The following SKI variants were observed in gnomAD, a reference collection of about 807,000 sequenced individuals.
SKI encodes the protein ski oncogene.
Under a neutral mutation model 59.3 loss-of-function variants are expected in SKI, and 23 were observed. That is an observed-to-expected ratio of 0.39 (90% CI 0.28 to 0.55). The LOEUF (loss-of-function observed/expected upper bound fraction) is 0.55. Ranked by LOEUF, SKI falls within the 20% of genes least tolerant of loss-of-function variation. The pLI, the probability that SKI is intolerant of heterozygous loss-of-function variation, is 0.67. For synonymous variants in SKI, 673 were observed against 488.6 expected (o/e 1.38, Z -4.98); for missense variants, 1,017 against 1,038.9 (o/e 0.98, Z 0.29).
chr1:2,264,061 C>A (rs1398163932), intron 1 of SKI, among the ~76,000 whole-genome samples: 1 of 151,786 alleles, frequency 6.6e-6, no homozygotes, highest in African/African-American at 2.4e-5. Flanking sequence ...CTACTCGGAC[C>A]CAGAGTGTTT....
intron 1 of SKI, among the ~76,000 whole-genome samples, chr1:2,278,256 A>G (rs560080384): frequency 1.9e-4 from 29 of 152,332 alleles, no homozygotes; most frequent in African/African-American, 6.7e-4. Flanking sequence ...CGAGTGATGC[A>G]AGGGTGGGGT....
At chr1:2,305,398 G>A (rs1005691104) in intron 5 of SKI, among the ~76,000 whole-genome samples, 4 of 152,110 alleles carry the variant, frequency 2.6e-5, no homozygotes, top group African/African-American at 9.7e-5. Flanking sequence ...ACACAACCCC[G>A]TCGGCCCTCA....
intron 1 of SKI, among the ~76,000 whole-genome samples, chr1:2,299,037 A>T (rs544826425): frequency 1.3e-4 from 20 of 152,130 alleles, no homozygotes; most frequent in African/African-American, 3.6e-4. Flanking sequence ...AGCAGGCTCT[A>T]TGTGGTTGTT....
At chr1:2,279,240 G>A (rs1157317405) in intron 1 of SKI, among the ~76,000 whole-genome samples, 6 of 152,208 alleles carry the variant, frequency 3.9e-5, no homozygotes, top group Admixed American at 3.9e-4. Context: ...CATCCCCTAC[G>A]GAACAGCAGC....
intron 1 of SKI, among the ~76,000 whole-genome samples, chr1:2,292,979 T>TG (rs1640197830): frequency 6.6e-6 from 1 of 152,012 alleles, no homozygotes; most frequent in South Asian, 2.1e-4. Context: ...CTCTGGGTGG[T>TG]GGTGAGTGGG....
Position 2,284,602 on chromosome 1 carries a change from C to G in SKI, c.970-18376C>G, listed in dbSNP as rs142737785. 4.8e-3 allele frequency among the ~76,000 whole-genome samples: 726 copies of G among 152,292 alleles called. 5 individuals are homozygous for G. Among genetic ancestry groups the G allele is most frequent in the African/African-American group, 0.014 (568 of 41,572 alleles). On this transcript the variant is annotated intron_variant, in intron 1 of 6. Coordinates refer to ENST00000378536, the MANE Select transcript of SKI (RefSeq NM_003036.4). ...GTGTGGGGGTGGTAGAATTCAAGCT[C>G]ACACCGGCCCAGAGGGCCCGCTGTC... is the stretch of plus-strand genomic sequence containing the variant.
chr1:2,306,603 G>C lies in SKI; in HGVS notation c.2025G>C (p.Gln675His). ...AQIEDLQVKLQHAEADREQLR... is the reference protein window; with the variant it reads ...AQIEDLQVKLHHAEADREQLR... ...TCGAAGACCTGCAGGTGAAGCTGCA[G>C]CACGCGGAGGCGGACCGGGAGCAGC... The change falls in exon 7 of 7, where the codon CAG becomes CAC. Residue 675 changes from glutamine to histidine, a missense_variant. Physicochemically the swap from Gln to His is conservative, Grantham distance 24. Transcript: ENST00000378536. 6.5e-7 allele frequency: 1 copy of C among 1,543,904 alleles called. No individual in the cohort carries two copies. Among genetic ancestry groups the C allele is most frequent in the Non-Finnish European group, 8.7e-7 (1 of 1,145,538 alleles).
chr1:2,261,400 A>G (rs1639383408), intron 1 of SKI, among the ~76,000 whole-genome samples: 1 of 152,228 alleles, frequency 6.6e-6, no homozygotes, highest in East Asian at 1.9e-4. Flanking sequence ...TTTCCGACCA[A>G]CGGAAAGCTC....
chr1:2,238,087 G>C (rs1638790128), intron 1 of SKI, among the ~76,000 whole-genome samples: 1 of 152,232 alleles, frequency 6.6e-6, no homozygotes, highest in African/African-American at 2.4e-5. Context: ...CCACGGTCCA[G>C]GCAGCTCCAG....
At chr1:2,253,457 C>T (rs146302035) in intron 1 of SKI, among the ~76,000 whole-genome samples, 1 of 152,326 alleles carries the variant, frequency 6.6e-6, no homozygotes, top group African/African-American at 2.4e-5. Flanking sequence ...AGCCTGGCCA[C>T]TTGTGAGTGC....
At chr1:2,232,759 C>T (rs1638666612) in intron 1 of SKI, 1 of 152,330 alleles carries the variant, frequency 6.6e-6, no homozygotes, top group African/African-American at 2.4e-5. Context: ...GGCTTTGTGA[C>T]CTTGGACGAG....
intron 1 of SKI, among the ~76,000 whole-genome samples, chr1:2,284,542 G>A (rs1304200809): frequency 1.3e-5 from 2 of 152,230 alleles, no homozygotes; most frequent in Non-Finnish European, 2.9e-5. Context: ...TGCCTGGGGG[G>A]GCAGGGACCC....
intron 1 of SKI, among the ~76,000 whole-genome samples, chr1:2,257,499 C>G (rs923578099): frequency 6.6e-6 from 1 of 152,244 alleles, no homozygotes; most frequent in African/African-American, 2.4e-5. Flanking sequence ...AGCTGCTTGG[C>G]CCCCAGCCGC....
intron 1 of SKI, among the ~76,000 whole-genome samples, chr1:2,255,486 T>C (rs183915912): frequency 1.1e-3 from 169 of 152,338 alleles, no homozygotes; most frequent in Non-Finnish European, 1.8e-3. Context: ...ACACACTGTG[T>C]CCTGACCTCA....
rs370094767 is a variant in SKI at position 2,267,674 on chromosome 1, G to T, written c.970-35304G>T. ...AAGGCTTGTTGTGGGGGCGGGGGGC[G>T]CACCACACTTCAGGGATGCAGCCGG... On this transcript the variant is annotated intron_variant, in intron 1 of 6. Coordinates refer to ENST00000378536, the MANE Select transcript of SKI (RefSeq NM_003036.4). The surrounding 1 kb of genome is among the most constrained non-coding windows in gnomAD (Gnocchi z 4.1). Among the ~76,000 whole-genome samples the T allele has an allele frequency of 2.0e-5, 3 of 152,174 alleles. No homozygotes were observed. Among genetic ancestry groups the T allele is most frequent in the African/African-American group, 7.2e-5 (3 of 41,432 alleles).
At chr1:2,304,245 C>G in intron 4 of SKI, 48 bp from the exon 5 acceptor site, 1 of 1,552,244 alleles carries the variant, frequency 6.4e-7, no homozygotes, top group Non-Finnish European at 8.7e-7. Context: ...TGGTGTGGAG[C>G]TGCCGGGCAC....
chr1:2,261,677 C>A (rs576842202), intron 1 of SKI, among the ~76,000 whole-genome samples: 1 of 152,190 alleles, frequency 6.6e-6, no homozygotes, highest in Non-Finnish European at 1.5e-5. Context: ...ATGATCATGT[C>A]GTCTGCAGTA....
rs1410560212 is a variant in SKI, at chr1:2,296,779, G to A, written c.970-6199G>A. Among the ~76,000 whole-genome samples the A allele has an allele frequency of 2.0e-5, 3 of 152,118 alleles. No individual in the cohort carries two copies. The East Asian group carries it at 5.8e-4, about 29-fold the overall frequency. On this transcript the variant is annotated intron_variant, in intron 1 of 6. Coordinates refer to ENST00000378536, the MANE Select transcript of SKI (RefSeq NM_003036.4). ...TTTTCTCTCTGTTCCTTGTGCTTTGGTGTCATGGAAGCACTTCTGCGGGGG... is the reference window on the plus strand; with the variant it reads ...TTTTCTCTCTGTTCCTTGTGCTTTGATGTCATGGAAGCACTTCTGCGGGGG...
At chr1:2,306,330 C>T (rs1569866708) in intron 6 of SKI, 80 bp downstream of exon 6, 2 of 1,311,618 alleles carry the variant, frequency 1.5e-6, no homozygotes, top group Admixed American at 5.0e-5. Context: ...TCCTGCCCAG[C>T]CGGAAAGGCC....
Sources: gnomAD v4.1 joint callset for allele counts (sites outside exome capture counted in the v4.1 genomes callset) on GRCh38, gnomAD v4.1.1 for gene constraint, Gnocchi (gnomAD v3.1) non-coding constraint, MANE v1.5 for transcripts, NCBI Gene and HGNC (gene_info 2026-07-23, HGNC 2026-07-21) for gene names.